Variants in CYB5D2 observed in about 807,000 individuals in gnomAD.
CYB5D2 encodes the protein cytochrome b5 domain containing 2.
In CYB5D2, 23 loss-of-function variants were observed where a neutral mutation model predicts 22.8. The observed-to-expected ratio is 1.01, with a 90% CI of 0.73 to 1.43. CYB5D2 has a LOEUF of 1.43. CYB5D2 is among the 40% of genes most tolerant of loss of function. The probability of loss-of-function intolerance (pLI) is 0.00; values close to 1 mark genes in which losing one functional copy is unlikely to be tolerated. For missense variants in CYB5D2, 373 were observed against 357.2 expected (o/e 1.04, Z -0.36); for synonymous variants, 170 against 152.2 (o/e 1.12, Z -0.86).
chr17:4,152,269 C>T (rs2059066983), intron 2 of CYB5D2, among the ~76,000 whole-genome samples: 2 of 152,046 alleles, frequency 1.3e-5, no homozygotes, highest in Admixed American at 6.6e-5. Context: ...TCAGGGGGAC[C>T]AGGGATGAAT....
Position 4,143,749 on chromosome 17 carries a change from T to A in CYB5D2, c.-7T>A, listed in dbSNP as rs377234607. Reference sequence around the variant, plus strand: ...CTCGGAAGTGCGGAGCGGGTGGGCCTATATAGATGTTGAGGTGCGGAGGCC... The same window carrying A: ...CTCGGAAGTGCGGAGCGGGTGGGCCAATATAGATGTTGAGGTGCGGAGGCC... On this transcript the variant is annotated 5_prime_UTR_variant, in exon 1 of 4. Transcript: ENST00000301391. The A allele has an allele frequency of 1.4e-5, 22 of 1,612,080 alleles. No homozygotes were observed. The highest frequency in any genetic ancestry group is 1.7e-5 in the Non-Finnish European group (20 of 1,179,216).
At position 4,150,050 on chromosome 17, in the gene CYB5D2, A is replaced by G; in HGVS notation, c.391+19A>G. ...TGTGTTGGTAAGTCGTCCATAGGTC[A>G]TACATTTCATTTGGTTGTCTGCAGT... is the stretch of plus-strand genomic sequence containing the variant. On this transcript the variant is annotated intron_variant, in intron 2 of 3. Transcript: ENST00000301391. 6.2e-7 allele frequency: 1 copy of G among 1,613,250 alleles called. No homozygotes were observed.
chr17:4,148,679 C>T (rs1472068627), intron 1 of CYB5D2, among the ~76,000 whole-genome samples: 1 of 151,966 alleles, frequency 6.6e-6, no homozygotes, highest in Non-Finnish European at 1.5e-5. Flanking sequence ...CAAAAATTAG[C>T]CAGGCATGTT....
Position 4,156,934 on chromosome 17 carries a change from G to A in CYB5D2, c.647G>A (p.Arg216His), listed in dbSNP as rs111426837. The change falls in exon 4 of 4, where the codon CGC becomes CAC. Residue 216 changes from arginine to histidine, a missense_variant. Transcript: ENST00000301391. ...TATAAGCCAGGTGCTAAGGAGCCCCGCTGCGTGTGTGTGAGAACCACCGGC... is the reference window on the plus strand; with the variant it reads ...TATAAGCCAGGTGCTAAGGAGCCCCACTGCGTGTGTGTGAGAACCACCGGC... ...KLYKPGAKEPRCVCVRTTGPP... is the reference protein window; with the variant it reads ...KLYKPGAKEPHCVCVRTTGPP... The A allele has an allele frequency of 4.9e-5, 79 of 1,612,694 alleles. No individual in the cohort carries two copies. The highest frequency in any genetic ancestry group is 6.0e-5 in the Non-Finnish European group (71 of 1,180,030).
rs1475416111 is a variant in CYB5D2, at chr17:4,143,746, G to C, written c.-10G>C. The C allele has an allele frequency of 6.2e-7, 1 of 1,611,902 alleles. No individual in the cohort carries two copies. The highest frequency in any genetic ancestry group is 2.2e-5 in the East Asian group (1 of 44,846). ...AACCTCGGAAGTGCGGAGCGGGTGG[G>C]CCTATATAGATGTTGAGGTGCGGAG... On this transcript the variant is annotated 5_prime_UTR_variant, in exon 1 of 4. Coordinates refer to ENST00000301391, the MANE Select transcript of CYB5D2 (RefSeq NM_144611.4).
intron 1 of CYB5D2, 72 bp from the exon 2 acceptor site, chr17:4,149,819 G>T: frequency 6.5e-7 from 1 of 1,544,818 alleles, no homozygotes; most frequent in Non-Finnish European, 8.7e-7. Context: ...GAAAAAGAAA[G>T]AAAACAGATT....
In CYB5D2 at chr17:4,143,964, G is replaced by C; in HGVS notation, c.209G>C (p.Arg70Pro). Residue 70 changes from arginine (R) to proline (P), a missense_variant, in exon 1 of 4, where the codon CGG becomes CCG. By Grantham distance (103) the Arg-to-Pro change is moderately radical (BLOSUM62 -2). Coordinates refer to ENST00000301391, the MANE Select transcript of CYB5D2 (RefSeq NM_144611.4). ...LGRVYDVSSG[R>P]RHYEPGSHYS... The stretch of plus-strand genomic sequence containing the variant: ...CGTGTCTACGATGTGTCCTCCGGCC[G>C]GAGGCACTACGAGCCTGGGTCCCAC... 2 of 1,612,506 alleles carry C rather than the reference G, an allele frequency of 1.2e-6. No individual in the cohort carries two copies. Among genetic ancestry groups the C allele is most frequent in the Non-Finnish European group, 1.7e-6 (2 of 1,179,744 alleles).
rs762546701 is a variant in CYB5D2 at position 4,154,697 on chromosome 17, G to A, written c.415G>A (p.Gly139Arg). 1.1e-5 allele frequency: 17 copies of A among 1,614,050 alleles called. No individual in the cohort carries two copies. Among genetic ancestry groups the A allele is most frequent in the Admixed American group, 3.3e-5 (2 of 60,006 alleles). The stretch of plus-strand genomic sequence containing the variant: ...AGGGAGGGTGACAGGACGGTTCTAC[G>A]GAGAGGATGGGCTGCCCACCCCGGC... ...CVGRVTGRFY[G>R]EDGLPTPALT... is the part of the protein sequence containing the mutation. The change falls in exon 3 of 4, where the codon GGA becomes AGA. Residue 139 changes from glycine (G) to arginine (R), a missense_variant. Transcript: ENST00000301391.
intron 2 of CYB5D2, among the ~76,000 whole-genome samples, chr17:4,152,662 G>C (rs1171690070): frequency 6.6e-6 from 1 of 152,198 alleles, no homozygotes; most frequent in Non-Finnish European, 1.5e-5. Flanking sequence ...CCCCCGTAGT[G>C]GGAAATTCTG....
rs750161229 is a variant in CYB5D2, at chr17:4,154,831, G to T, written c.549G>T (p.Arg183Ser). ...PPCNAEWSSARGSRLWCSQKS... is the reference protein window; with the variant it reads ...PPCNAEWSSASGSRLWCSQKS... ...GCAACGCGGAGTGGAGCTCAGCCAG[G>T]GGCAGCCGGCTCTGGTGCTCCCAGA... Residue 183 changes from arginine (R) to serine (S), a missense_variant, in exon 3 of 4, where the codon AGG (arginine) becomes AGT (serine). By Grantham distance (110) the Arg-to-Ser change is moderately radical. Coordinates refer to ENST00000301391, the MANE Select transcript of CYB5D2 (RefSeq NM_144611.4). 1 of 1,613,954 alleles carries T rather than the reference G, an allele frequency of 6.2e-7. No individual in the cohort carries two copies. The highest frequency in any genetic ancestry group is 8.5e-7 in the Non-Finnish European group (1 of 1,179,950).
intron 3 of CYB5D2, among the ~76,000 whole-genome samples, chr17:4,156,145 G>A (rs1001367392): frequency 5.9e-5 from 9 of 152,252 alleles, no homozygotes; most frequent in African/African-American, 2.2e-4. Flanking sequence ...GAAGCTGTCT[G>A]AGGCGTCAGT....
intron 2 of CYB5D2, 90 bp from the exon 3 acceptor site, chr17:4,154,584 G>T (rs745744893): frequency 6.8e-6 from 10 of 1,470,574 alleles, no homozygotes; most frequent in African/African-American, 5.6e-5. Context: ...CAGGACTGAA[G>T]TCAGAAACCC....
chr17:4,156,185 G>A (rs2059110933), intron 3 of CYB5D2, among the ~76,000 whole-genome samples: 1 of 152,232 alleles, frequency 6.6e-6, no homozygotes, highest in Non-Finnish European at 1.5e-5. Context: ...TTCTTGCAAG[G>A]CCTCTGAGTC....
At position 4,154,823 on chromosome 17, in the gene CYB5D2, T is replaced by G. The variant is rs1315817691; in HGVS notation, c.541T>G (p.Ser181Ala). The change falls in exon 3 of 4, where the codon TCA becomes GCA. Residue 181 changes from serine to alanine, a missense_variant. Transcript: ENST00000301391. ...TFPPCNAEWS[S>A]ARGSRLWCSQ... ...CCCGCCGTGCAACGCGGAGTGGAGC[T>G]CAGCCAGGGGCAGCCGGCTCTGGTG... 6.2e-7 allele frequency: 1 copy of G among 1,614,076 alleles called. No individual in the cohort carries two copies. The highest frequency in any genetic ancestry group is 1.7e-5 in the Admixed American group (1 of 60,012).
At position 4,143,683 on chromosome 17, in the gene CYB5D2, T is replaced by C. The variant is rs2058924312; in HGVS notation, c.-73T>C. 6.6e-7 allele frequency: 1 copy of C among 1,522,584 alleles called. No homozygotes were observed. Among genetic ancestry groups the C allele is most frequent in the Non-Finnish European group, 8.8e-7 (1 of 1,135,140 alleles). The allele number at this position is 1,522,584 out of a possible 1,614,324, so 94.3% of individuals were successfully genotyped here. On this transcript the variant is annotated 5_prime_UTR_variant, in exon 1 of 4. Coordinates refer to ENST00000301391, the MANE Select transcript of CYB5D2 (RefSeq NM_144611.4). Reference sequence around the variant, plus strand: ...AGCGCGCGCGCCGATGACGTCACGCTCGGCGTCTCGGCCATCTTAGCTGTA... The same window carrying C: ...AGCGCGCGCGCCGATGACGTCACGCCCGGCGTCTCGGCCATCTTAGCTGTA...
In CYB5D2 at chr17:4,157,196, G is replaced by T; in HGVS notation, c.*114G>T. ...TGGCGCGAATCAGGAGGGTCTGGAA[G>T]GACTCTGGCTATATTCTGCAAATGT... is the stretch of plus-strand genomic sequence containing the variant. On this transcript the variant is annotated 3_prime_UTR_variant, in exon 4 of 4. Transcript: ENST00000301391. The surrounding 1 kb of genome is among the most constrained non-coding windows in gnomAD (Gnocchi z 4.4). The T allele has an allele frequency of 8.4e-7, 1 of 1,189,106 alleles. No homozygotes were observed. 73.7% of individuals were successfully genotyped at this position (1,189,106 alleles called of 1,614,324 possible).
chr17:4,146,700 T>C (rs1567886885), intron 1 of CYB5D2, among the ~76,000 whole-genome samples: 1 of 151,644 alleles, frequency 6.6e-6, no homozygotes, highest in Non-Finnish European at 1.5e-5. Context: ...CGGTGGGTTT[T>C]TTTTTTTAGT....
chr17:4,146,882 G>T (rs1222890363), intron 1 of CYB5D2, among the ~76,000 whole-genome samples: 1 of 151,996 alleles, frequency 6.6e-6, no homozygotes, highest in East Asian at 1.9e-4. Context: ...AGTCATACGT[G>T]TGGCCTTTTG....
chr17:4,146,005 G>C (rs1751110414), intron 1 of CYB5D2, among the ~76,000 whole-genome samples: 1 of 152,170 alleles, frequency 6.6e-6, no homozygotes, highest in African/African-American at 2.4e-5. Flanking sequence ...CGCCATGTTG[G>C]CCAGGCCGGT....
Sources: allele counts gnomAD v4.1 joint callset (sites outside exome capture counted in the v4.1 genomes callset), GRCh38; gene constraint gnomAD v4.1.1; non-coding constraint Gnocchi (gnomAD v3.1); transcripts MANE v1.5; gene names NCBI Gene and HGNC (gene_info 2026-07-23, HGNC 2026-07-21).